The following RUFY2 variants were observed in gnomAD, a reference collection of about 807,000 sequenced individuals.
RUFY2 encodes the protein RUN and FYVE domain containing 2, also known as RUN and FYVE domain-containing protein 2.
RUFY2 carries 49 observed loss-of-function variants against 94.4 expected under a neutral mutation model. That is an observed-to-expected ratio of 0.52 (90% confidence interval 0.41 to 0.66). The LOEUF is 0.66. RUFY2 is among the 30% of genes least tolerant of loss of function. The pLI is 0.00. For missense variants in RUFY2, 541 were observed against 692.8 expected (o/e 0.78, Z 2.46); for synonymous variants, 255 against 235.7 (o/e 1.08, Z -0.75).
At chr10:68,355,271 A>G in intron 16 of RUFY2, 82 bp downstream of exon 16, 1 of 996,364 alleles carries the variant, frequency 1.0e-6, no homozygotes. Flanking sequence ...TGGGGTTAAT[A>G]ATACATTAGA....
chr10:68,341,628 C>A, downstream of RUFY2: 1 of 1,613,390 alleles, frequency 6.2e-7, no homozygotes, highest in Non-Finnish European at 8.5e-7. Flanking sequence ...CTCCTGGAGG[C>A]GGCTCTGGCA....
chr10:68,352,652 T>C (rs559957517), intron 16 of RUFY2, among the ~76,000 whole-genome samples: 91 of 152,266 alleles, frequency 6.0e-4, no homozygotes, highest in African/African-American at 2.0e-3. Context: ...GAGGGGTGGC[T>C]GGGCACGGTG....
At chr10:68,366,408 A>C (rs2047822380) in intron 13 of RUFY2, among the ~76,000 whole-genome samples, 2 of 151,610 alleles carry the variant, frequency 1.3e-5, no homozygotes, top group African/African-American at 4.8e-5. Flanking sequence ...TCTAAATAAA[A>C]ATCACTATAA....
At chr10:68,396,956 T>C in intron 3 of RUFY2, 75 bp from the exon 4 acceptor site, 5 of 955,372 alleles carry the variant, frequency 5.2e-6, no homozygotes, top group South Asian at 1.6e-5. Context: ...GAGGTAAACA[T>C]TAACAAGGAA....
intron 4 of RUFY2, among the ~76,000 whole-genome samples, chr10:68,396,200 C>T (rs2050382353): frequency 6.6e-6 from 1 of 151,884 alleles, no homozygotes; most frequent in Non-Finnish European, 1.5e-5. Flanking sequence ...GGTTTCACCA[C>T]GTTGGTCTCG....
intron 12 of RUFY2, chr10:68,378,466 T>C (rs2048811008): frequency 7.5e-7 from 1 of 1,341,906 alleles, no homozygotes; most frequent in African/African-American, 1.5e-5. Flanking sequence ...TAACATCCTT[T>C]TAGAATATTT....
At chr10:68,387,114 T>C (rs1293220632) in intron 7 of RUFY2, among the ~76,000 whole-genome samples, 1 of 152,126 alleles carries the variant, frequency 6.6e-6, no homozygotes, top group Non-Finnish European at 1.5e-5. Flanking sequence ...CCCGGCACTT[T>C]GGGAGGCTGA....
chr10:68,345,728 T>C lies in RUFY2; in HGVS notation c.*40A>G. ...TTTGTATACAACATCATAACATTCA[T>C]TGTAGGTAATTTCATACATAAGGAT... On this transcript the variant is annotated 3_prime_UTR_variant, in exon 18 of 18. Transcript: ENST00000602465. The C allele has an allele frequency of 6.3e-7, 1 of 1,580,394 alleles. No individual in the cohort carries two copies. Among genetic ancestry groups the C allele is most frequent in the South Asian group, 1.1e-5 (1 of 88,062 alleles).
chr10:68,395,525 T>C (rs577031946), intron 4 of RUFY2, among the ~76,000 whole-genome samples: 6 of 152,280 alleles, frequency 3.9e-5, no homozygotes, highest in Non-Finnish European at 7.4e-5. Flanking sequence ...CATTTCAAAG[T>C]CCATGTTCAA....
chr10:68,364,931 A>C (rs1002564233), intron 13 of RUFY2, among the ~76,000 whole-genome samples: 2 of 151,792 alleles, frequency 1.3e-5, no homozygotes, highest in African/African-American at 4.8e-5. Flanking sequence ...TAAAAAAAAA[A>C]CAAACACAAA....
intron 15 of RUFY2, among the ~76,000 whole-genome samples, chr10:68,358,387 T>C (rs987107031): frequency 1.3e-5 from 2 of 152,074 alleles, no homozygotes; most frequent in Non-Finnish European, 2.9e-5. Flanking sequence ...AAAGTGTGAG[T>C]CTTTCACCTA....
At chr10:68,394,268 C>A in intron 5 of RUFY2, 60 bp downstream of exon 5, 1 of 1,608,738 alleles carries the variant, frequency 6.2e-7, no homozygotes, top group South Asian at 1.1e-5. Flanking sequence ...GACACCTGAT[C>A]AAGGAGGAAC....
intron 3 of RUFY2, among the ~76,000 whole-genome samples, chr10:68,398,126 CAAAAAAA>C (rs377600173): frequency 0.14 from 9,036 of 65,150 alleles, 469 homozygotes; most frequent in African/African-American, 0.22. Flanking sequence ...GATTTGTTCT[CAAAAAAA>C]AAAAAAAAAA....
At chr10:68,341,902 T>A, downstream of RUFY2, 1 of 1,593,706 alleles carries the variant, frequency 6.3e-7, no homozygotes, top group Non-Finnish European at 8.6e-7. Flanking sequence ...AGTGCAAACT[T>A]TAAAGTGCAG....
At chr10:68,407,038 C>A in intron 1 of RUFY2, 148 bp downstream of exon 1, 1 of 1,478,358 alleles carries the variant, frequency 6.8e-7, no homozygotes, top group Admixed American at 2.3e-5. Flanking sequence ...CCCCCGAGTC[C>A]CAGGCAGTCC....
intron 16 of RUFY2, among the ~76,000 whole-genome samples, chr10:68,351,406 G>A (rs966105951): frequency 3.3e-5 from 5 of 151,000 alleles, no homozygotes; most frequent in Admixed American, 6.6e-5. Context: ...AAAGTGCTGG[G>A]ATTATAGGCG....
intron 3 of RUFY2, among the ~76,000 whole-genome samples, chr10:68,399,169 G>C (rs1048163028): frequency 2.0e-5 from 3 of 151,610 alleles, no homozygotes; most frequent in African/African-American, 7.3e-5. Context: ...TCAGCCTCCC[G>C]AGTAGCTGGG....
At chr10:68,388,101 G>A (rs946947011) in intron 7 of RUFY2, among the ~76,000 whole-genome samples, 5 of 152,042 alleles carry the variant, frequency 3.3e-5, no homozygotes, top group African/African-American at 7.2e-5. Flanking sequence ...GCCTTTATGC[G>A]AGGATACAAT....
At chr10:68,343,216 C>T (rs954281344), downstream of RUFY2, 2 of 152,068 alleles carry the variant, frequency 1.3e-5, no homozygotes, top group African/African-American at 4.8e-5. Context: ...TCCTAGAATG[C>T]TTTGTGTCAG....
Sources: allele counts gnomAD v4.1 joint callset (sites outside exome capture counted in the v4.1 genomes callset), GRCh38; gene constraint gnomAD v4.1.1; transcripts MANE v1.5; gene names NCBI Gene and HGNC (gene_info 2026-07-23, HGNC 2026-07-21).